Variants in GRIK2 observed in about 807,000 individuals in gnomAD.
GRIK2 encodes the protein glutamate ionotropic receptor kainate type subunit 2, also known as glutamate receptor ionotropic, kainate 2.
A neutral mutation model predicts 100.3 loss-of-function variants in GRIK2; 32 were observed. That is an observed-to-expected ratio of 0.32 (90% CI 0.24 to 0.43). The LOEUF (loss-of-function observed/expected upper bound fraction) is 0.43. Among genes scored for constraint, GRIK2 ranks in the 20% least tolerant of loss-of-function variants. GRIK2 has a pLI of 1.00. For missense variants in GRIK2, 843 were observed against 1,114.9 expected (o/e 0.76, Z 3.47); for synonymous variants, 417 against 389.4 (o/e 1.07, Z -0.83).
intron 1 of GRIK2, among the ~76,000 whole-genome samples, chr6:101,394,613 A>G (rs1774931750): frequency 1.3e-5 from 2 of 152,204 alleles, no homozygotes; most frequent in Admixed American, 1.3e-4. Flanking sequence ...GTCATCAGAA[A>G]TTATCTTATG....
chr6:101,686,200 T>A lies in GRIK2; in HGVS notation c.798T>A (p.Val266=). ...TTCAGGACCTCTTTGCTCTTGATGT[T>A]GAGCCCTACCGATACAGTGGTGTTA... ...FTTLDLFALD[V]EPYRYSGVNM... The change falls in exon 7 of 17, where the codon GTT becomes GTA. Residue 266 remains valine, a synonymous_variant. Coordinates refer to ENST00000369134, the MANE Select transcript of GRIK2 (RefSeq NM_021956.5). 1 of 1,611,962 alleles carries A rather than the reference T, an allele frequency of 6.2e-7. No individual in the cohort carries two copies. The highest frequency in any genetic ancestry group is 1.1e-5 in the South Asian group (1 of 90,914).
At chr6:101,703,134 G>A (rs1358860654) in intron 7 of GRIK2, among the ~76,000 whole-genome samples, 4 of 151,838 alleles carry the variant, frequency 2.6e-5, no homozygotes, top group East Asian at 3.9e-4. Flanking sequence ...GATGGGTAAT[G>A]TTTTACGAGT....
chr6:101,904,093 C>G (rs553309847), intron 12 of GRIK2, among the ~76,000 whole-genome samples: 1 of 151,122 alleles, frequency 6.6e-6, no homozygotes, highest in African/African-American at 2.4e-5. Context: ...AATCTATTAT[C>G]TCTAATTTTA....
At chr6:101,571,510 T>G (rs1465439522) in intron 2 of GRIK2, among the ~76,000 whole-genome samples, 2 of 152,158 alleles carry the variant, frequency 1.3e-5, no homozygotes, top group African/African-American at 4.8e-5. Flanking sequence ...TTTGCATTAA[T>G]TTTGCAAAGG....
intron 12 of GRIK2, among the ~76,000 whole-genome samples, chr6:101,895,089 G>T (rs1039036788): frequency 6.6e-6 from 1 of 151,680 alleles, no homozygotes; most frequent in African/African-American, 2.4e-5. Context: ...AATGCATTAG[G>T]CTATTTAAAT....
chr6:101,920,425 A>G (rs1314111885), intron 12 of GRIK2, among the ~76,000 whole-genome samples: 6 of 151,872 alleles, frequency 4.0e-5, no homozygotes, highest in African/African-American at 1.4e-4. Flanking sequence ...AGTTGTGCAT[A>G]TTGCTTCTAA....
chr6:101,712,237 C>T (rs544344237), intron 7 of GRIK2, among the ~76,000 whole-genome samples: 2 of 151,896 alleles, frequency 1.3e-5, no homozygotes, highest in South Asian at 2.1e-4. Context: ...AACCTTGCTA[C>T]CCTGTGTGTG....
intron 2 of GRIK2, among the ~76,000 whole-genome samples, chr6:101,483,352 A>C (rs1211894441): frequency 2.0e-5 from 3 of 152,176 alleles, no homozygotes; most frequent in African/African-American, 7.2e-5. Context: ...ATAAGCAATA[A>C]GTTTGGATTA....
At chr6:102,038,993 T>TATA (rs1447734879) in intron 15 of GRIK2, among the ~76,000 whole-genome samples, 1 of 151,380 alleles carries the variant, frequency 6.6e-6, no homozygotes, top group East Asian at 1.9e-4. Flanking sequence ...ATTATGAGTC[T>TATA]TTTTGAGTGG....
chr6:101,570,946 G>T (rs764232141), intron 2 of GRIK2, among the ~76,000 whole-genome samples: 6 of 152,062 alleles, frequency 3.9e-5, no homozygotes, highest in Non-Finnish European at 7.4e-5. Flanking sequence ...TGTTGTGAAG[G>T]GAGCTTTTGT....
At chr6:101,832,050 A>G (rs1782733570) in intron 10 of GRIK2, among the ~76,000 whole-genome samples, 1 of 152,118 alleles carries the variant, frequency 6.6e-6, no homozygotes, top group Admixed American at 6.6e-5. Context: ...TGTTAATGAT[A>G]CTAGATTCCC....
chr6:101,410,382 A>G (rs538289321), intron 2 of GRIK2, among the ~76,000 whole-genome samples: 9 of 152,220 alleles, frequency 5.9e-5, no homozygotes, highest in African/African-American at 2.2e-4. Context: ...AGATGGATGT[A>G]TGGGACTTTC....
intron 14 of GRIK2, among the ~76,000 whole-genome samples, chr6:101,955,604 CT>C (rs1791876687): frequency 1.3e-5 from 2 of 150,144 alleles, no homozygotes; most frequent in African/African-American, 4.9e-5. Flanking sequence ...CTCTCTCTCT[CT>C]CTCTCTCTCT....
At chr6:101,505,696 CA>C (rs1166695133) in intron 2 of GRIK2, among the ~76,000 whole-genome samples, 1 of 145,312 alleles carries the variant, frequency 6.9e-6, no homozygotes, top group East Asian at 2.1e-4. Context: ...GAATGATTGT[CA>C]AAACACTTCT....
At chr6:101,990,413 C>A (rs963841522) in intron 14 of GRIK2, among the ~76,000 whole-genome samples, 2 of 151,592 alleles carry the variant, frequency 1.3e-5, no homozygotes, top group African/African-American at 4.8e-5. Flanking sequence ...TAGTCCATGC[C>A]TCTATGTACT....
intron 7 of GRIK2, among the ~76,000 whole-genome samples, chr6:101,798,595 A>G (rs1270971405): frequency 6.6e-6 from 1 of 151,940 alleles, no homozygotes; most frequent in African/African-American, 2.4e-5. Context: ...CTCATTTTGT[A>G]TTGTATTGTG....
intron 12 of GRIK2, among the ~76,000 whole-genome samples, chr6:101,913,475 T>C (rs1344621282): frequency 6.6e-6 from 1 of 151,594 alleles, no homozygotes. Flanking sequence ...TTTTCAGTAT[T>C]GTTCTAATGC....
intron 7 of GRIK2, among the ~76,000 whole-genome samples, chr6:101,746,025 C>T (rs574172691): frequency 1.3e-5 from 2 of 152,298 alleles, no homozygotes; most frequent in East Asian, 1.9e-4. Context: ...AACTTCACCA[C>T]GAGTTTTTCC....
chr6:101,427,117 G>T (rs1769065723), intron 2 of GRIK2, among the ~76,000 whole-genome samples: 1 of 152,170 alleles, frequency 6.6e-6, no homozygotes, highest in South Asian at 2.1e-4. Flanking sequence ...CTTGGGGAAG[G>T]TTGGGGCAGA....
Sources: gnomAD v4.1 joint callset for allele counts (sites outside exome capture counted in the v4.1 genomes callset) on GRCh38, gnomAD v4.1.1 for gene constraint, MANE v1.5 for transcripts, NCBI Gene and HGNC (gene_info 2026-07-23, HGNC 2026-07-21) for gene names.